The following COL4A2 variants were observed in gnomAD, a reference collection of about 807,000 sequenced individuals.
COL4A2 encodes collagen type IV alpha 2 chain, also known as collagen alpha-2(IV) chain.
COL4A2 carries 99 observed loss-of-function variants against 200.2 expected under a neutral mutation model. The observed-to-expected ratio is 0.49, with a 90% CI of 0.42 to 0.58. COL4A2 has a LOEUF of 0.58. Among genes scored for constraint, COL4A2 ranks in the 20% least tolerant of loss-of-function variants. The probability of loss-of-function intolerance (pLI) is 0.00; values close to 1 mark genes in which losing one functional copy is unlikely to be tolerated. For synonymous variants in COL4A2, 897 were observed against 900.6 expected (o/e 1.00, Z 0.07); for missense variants, 1,950 against 2,314.1 (o/e 0.84, Z 3.23).
intron 28 of COL4A2, among the ~76,000 whole-genome samples, 153 bp from the exon 29 acceptor site, chr13:110,472,776 A>G (rs977919538): frequency 2.6e-5 from 4 of 152,156 alleles, no homozygotes; most frequent in African/African-American, 9.7e-5. Context: ...TGTAGGTTCC[A>G]AAAAGGGCGA....
In COL4A2 at chr13:110,428,060, G is replaced by A. The variant is rs1402455455; in HGVS notation, c.361-407G>A. On this transcript the variant is annotated intron_variant, in intron 6 of 47. Transcript: ENST00000360467. ...AAATCTTTCCTAGAATTTTTAAAAT[G>A]TACCTTTACTTGTTTTCTACAGGGA... Among the ~76,000 whole-genome samples, 4 of 152,232 alleles carry A rather than the reference G, an allele frequency of 2.6e-5. No individual in the cohort carries two copies. The South Asian group carries it at 6.2e-4, about 24-fold the overall frequency.
chr13:110,337,208 G>T (rs945687849), intron 3 of COL4A2, among the ~76,000 whole-genome samples: 3 of 152,240 alleles, frequency 2.0e-5, no homozygotes, highest in African/African-American at 7.2e-5. Flanking sequence ...GTTCTGGAAT[G>T]GGGCATGGGC....
chr13:110,479,330 G>A (rs1882809869), intron 30 of COL4A2, among the ~76,000 whole-genome samples: 3 of 31,800 alleles, frequency 9.4e-5, no homozygotes, highest in African/African-American at 2.8e-4. Context: ...GCGGTCCCCG[G>A]TGACCCAGAG....
At chr13:110,492,204 C>A (rs760069599) in intron 38 of COL4A2, 27 bp downstream of exon 38, 2 of 1,542,784 alleles carry the variant, frequency 1.3e-6, no homozygotes, top group South Asian at 2.4e-5. Context: ...CACGTGGTCA[C>A]CCAGACCCAG....
rs140109373 is a variant in COL4A2, at chr13:110,317,393, TAC to T, written c.99+9283_99+9284del. On this transcript the variant is annotated intron_variant, in intron 3 of 47. Transcript: ENST00000360467. ...ACATAAACACACATGCTCATGCGTGTACACACACACACACTTAGCCGGAGGAC... is the reference window on the plus strand; with the variant it reads ...ACATAAACACACATGCTCATGCGTGTACACACACACACTTAGCCGGAGGAC... Among the ~76,000 whole-genome samples the T allele has an allele frequency of 5.3e-5, 8 of 151,732 alleles. No homozygotes were observed. The East Asian group carries it at 1.5e-3, about 29-fold the overall frequency.
chr13:110,414,376 C>G (rs953239425), intron 4 of COL4A2, among the ~76,000 whole-genome samples: 2 of 152,168 alleles, frequency 1.3e-5, no homozygotes, highest in African/African-American at 4.8e-5. Flanking sequence ...AGGCTCCTTC[C>G]CTTGACTCCC....
At chr13:110,342,408 A>G (rs1049102911) in intron 3 of COL4A2, among the ~76,000 whole-genome samples, 1 of 152,192 alleles carries the variant, frequency 6.6e-6, no homozygotes, top group African/African-American at 2.4e-5. Flanking sequence ...ATCTCCTTGA[A>G]CAATAACAGT....
intron 3 of COL4A2, among the ~76,000 whole-genome samples, chr13:110,340,451 A>G (rs1344648384): frequency 6.6e-6 from 1 of 152,190 alleles, no homozygotes; most frequent in Non-Finnish European, 1.5e-5. Flanking sequence ...CACCTTTCCA[A>G]AGACTTCATT....
At chr13:110,471,829 C>A (rs1205754824) in intron 28 of COL4A2, among the ~76,000 whole-genome samples, 1 of 152,146 alleles carries the variant, frequency 6.6e-6, no homozygotes, top group Non-Finnish European at 1.5e-5. Context: ...GAGTGCCGAG[C>A]CTGCCGTGTA....
chr13:110,417,788 C>T (rs775876852), intron 4 of COL4A2, among the ~76,000 whole-genome samples: 41 of 151,970 alleles, frequency 2.7e-4, no homozygotes, highest in Non-Finnish European at 4.9e-4. Context: ...CTGCACACAT[C>T]GGGCATTTTG....
intron 4 of COL4A2, among the ~76,000 whole-genome samples, chr13:110,402,555 G>C (rs1879410172): frequency 6.6e-6 from 1 of 152,182 alleles, no homozygotes; most frequent in African/African-American, 2.4e-5. Context: ...TGGGCAAACT[G>C]GTCACTCCAC....
At chr13:110,405,242 C>G (rs766975362) in intron 4 of COL4A2, among the ~76,000 whole-genome samples, 11 of 152,216 alleles carry the variant, frequency 7.2e-5, no homozygotes, top group Non-Finnish European at 1.5e-4. Context: ...CCAAATGCAG[C>G]AGATTATTTC....
At chr13:110,473,253 C>A in intron 29 of COL4A2, 103 bp downstream of exon 29, 2 of 1,091,882 alleles carry the variant, frequency 1.8e-6, no homozygotes, top group Admixed American at 2.6e-5. Context: ...AGCAGCGGTG[C>A]CCTATAGTGC....
At chr13:110,351,583 G>C (rs1025543264) in intron 3 of COL4A2, among the ~76,000 whole-genome samples, 6 of 152,176 alleles carry the variant, frequency 3.9e-5, no homozygotes, top group African/African-American at 1.4e-4. Context: ...TTATTTTTCA[G>C]AACTATTCCT....
At chr13:110,336,850 A>C (rs558361793) in intron 3 of COL4A2, among the ~76,000 whole-genome samples, 1 of 152,328 alleles carries the variant, frequency 6.6e-6, no homozygotes, top group Non-Finnish European at 1.5e-5. Context: ...CCTCTGAAGC[A>C]GTTCATGGGA....
At chr13:110,351,526 G>A (rs1263778740) in intron 3 of COL4A2, among the ~76,000 whole-genome samples, 2 of 152,124 alleles carry the variant, frequency 1.3e-5, no homozygotes, top group Non-Finnish European at 2.9e-5. Flanking sequence ...TGCTTCTTAG[G>A]TTTATGCTGC....
At chr13:110,428,927 GA>G (rs971191496) in intron 7 of COL4A2, 1 of 209,982 alleles carries the variant, frequency 4.8e-6, no homozygotes, top group African/African-American at 2.3e-5. Context: ...ATCAGATTAT[GA>G]AATACTTTGT....
At chr13:110,343,148 CTGAT>C (rs956984046) in intron 3 of COL4A2, among the ~76,000 whole-genome samples, 1 of 152,162 alleles carries the variant, frequency 6.6e-6, no homozygotes, top group Non-Finnish European at 1.5e-5. Flanking sequence ...TGTGTGGTCT[CTGAT>C]TGTCCATCGA....
At chr13:110,368,030 A>G (rs1877831709) in intron 4 of COL4A2, among the ~76,000 whole-genome samples, 1 of 152,212 alleles carries the variant, frequency 6.6e-6, no homozygotes, top group African/African-American at 2.4e-5. Context: ...CCTTGGGGTA[A>G]ATTCCTCATC....
Sources: gnomAD v4.1 joint callset for allele counts (sites outside exome capture counted in the v4.1 genomes callset) on GRCh38, gnomAD v4.1.1 for gene constraint, MANE v1.5 for transcripts, NCBI Gene and HGNC (gene_info 2026-07-23, HGNC 2026-07-21) for gene names.